The following BTF3L4 variants were observed in gnomAD, a reference collection of about 807,000 sequenced individuals.
BTF3L4 encodes the protein basic transcription factor 3 like 4.
In BTF3L4, 6 loss-of-function variants were observed where a neutral mutation model predicts 16.8. That is an observed-to-expected ratio of 0.36 (90% CI 0.20 to 0.71). BTF3L4 has a LOEUF of 0.71. Among genes scored for constraint, BTF3L4 ranks in the 30% least tolerant of loss-of-function variants. BTF3L4 has a pLI of 0.58. For synonymous variants in BTF3L4, 39 were observed against 59.8 expected (o/e 0.65, Z 1.60); for missense variants, 92 against 186.9 (o/e 0.49, Z 2.96).
At chr1:52,057,635 A>T (rs1319440347) in intron 1 of BTF3L4, among the ~76,000 whole-genome samples, 3 of 152,042 alleles carry the variant, frequency 2.0e-5, no homozygotes, top group Admixed American at 2.0e-4. Flanking sequence ...TTGGAGGTCT[A>T]CTCCAGATTC....
chr1:52,074,539 T>G (rs983075978), intron 3 of BTF3L4, among the ~76,000 whole-genome samples: 5 of 152,118 alleles, frequency 3.3e-5, no homozygotes, highest in Non-Finnish European at 7.4e-5. Flanking sequence ...AATTTTGTAT[T>G]TTTAGTAGAG....
At chr1:52,061,065 T>A (rs1686496081) in intron 2 of BTF3L4, among the ~76,000 whole-genome samples, 1 of 152,190 alleles carries the variant, frequency 6.6e-6, no homozygotes, top group African/African-American at 2.4e-5. Context: ...AGAGAGATGC[T>A]CACAATTATA....
At chr1:52,083,195 C>T in intron 3 of BTF3L4, 145 bp from the exon 4 acceptor site, 1 of 649,782 alleles carries the variant, frequency 1.5e-6, no homozygotes, top group Non-Finnish European at 2.7e-6. Flanking sequence ...TCTTTTTCCA[C>T]GAATGTCCGT....
chr1:52,084,736 G>A (rs1390826350), intron 4 of BTF3L4, among the ~76,000 whole-genome samples: 2 of 150,702 alleles, frequency 1.3e-5, no homozygotes, highest in East Asian at 2.0e-4. Context: ...AGTCTGCAGT[G>A]AGCTATGGAA....
intron 3 of BTF3L4, among the ~76,000 whole-genome samples, chr1:52,067,229 G>A (rs1208959903): frequency 6.6e-6 from 1 of 152,088 alleles, no homozygotes; most frequent in Non-Finnish European, 1.5e-5. Context: ...ATAATAATGT[G>A]GATAGAGATC....
chr1:52,074,161 GT>G (rs140330597), intron 3 of BTF3L4, among the ~76,000 whole-genome samples: 1 of 150,220 alleles, frequency 6.7e-6, no homozygotes, highest in African/African-American at 2.5e-5. Context: ...GCAAGACCTT[GT>G]TTTTTTTTGT....
chr1:52,083,817 C>T (rs971169686), intron 4 of BTF3L4, among the ~76,000 whole-genome samples: 1 of 151,912 alleles, frequency 6.6e-6, no homozygotes, highest in Non-Finnish European at 1.5e-5. Context: ...GTCAGGAGTT[C>T]GAGACCAGCC....
intron 3 of BTF3L4, among the ~76,000 whole-genome samples, chr1:52,076,882 T>A (rs1572029260): frequency 6.6e-6 from 1 of 152,140 alleles, no homozygotes; most frequent in East Asian, 1.9e-4. Flanking sequence ...TATTAAGCTG[T>A]AAGAAGAGGC....
chr1:52,057,944 C>T (rs558040383), intron 1 of BTF3L4, among the ~76,000 whole-genome samples: 1 of 152,308 alleles, frequency 6.6e-6, no homozygotes, highest in Non-Finnish European at 1.5e-5. Context: ...CAACCTCTGT[C>T]TGTTCTCTTG....
At chr1:52,059,010 AT>A (rs1298728834) in intron 1 of BTF3L4, among the ~76,000 whole-genome samples, 1 of 152,206 alleles carries the variant, frequency 6.6e-6, no homozygotes, top group African/African-American at 2.4e-5. Context: ...ATTCATGACT[AT>A]AATTTTAGAA....
chr1:52,056,848 T>C (rs1420676062), intron 1 of BTF3L4, among the ~76,000 whole-genome samples: 2 of 152,204 alleles, frequency 1.3e-5, no homozygotes, highest in African/African-American at 2.4e-5. Flanking sequence ...ATGGCAGTGT[T>C]TGTTTACAAG....
At chr1:52,059,801 A>G (rs778662048) in intron 1 of BTF3L4, 34 bp from the exon 2 acceptor site, 1 of 1,601,268 alleles carries the variant, frequency 6.2e-7, no homozygotes, top group Non-Finnish European at 8.6e-7. Flanking sequence ...TCGGCAAAAG[A>G]GTGACTTTAA....
At chr1:52,078,303 G>A (rs1033309660) in intron 3 of BTF3L4, among the ~76,000 whole-genome samples, 12 of 148,984 alleles carry the variant, frequency 8.1e-5, no homozygotes, top group African/African-American at 2.5e-4. Context: ...ATTTAAGCGC[G>A]CCTCCTGCCT....
chr1:52,062,639 T>G (rs1686546312), intron 2 of BTF3L4, among the ~76,000 whole-genome samples: 1 of 152,190 alleles, frequency 6.6e-6, no homozygotes, highest in Non-Finnish European at 1.5e-5. Flanking sequence ...GGGCAACTAT[T>G]AAAGGATTTT....
At chr1:52,081,578 A>G (rs3015308) in intron 3 of BTF3L4, among the ~76,000 whole-genome samples, 145,345 of 152,292 alleles carry the variant, frequency 0.95, 69,426 homozygotes, top group East Asian at 1. Flanking sequence ...TCTCGAGCCC[A>G]GATTTCACCC....
At chr1:52,060,831 GT>G (rs1686490419) in intron 2 of BTF3L4, among the ~76,000 whole-genome samples, 1 of 152,240 alleles carries the variant, frequency 6.6e-6, no homozygotes, top group African/African-American at 2.4e-5. Context: ...ACACACTCAT[GT>G]AACCACAGTA....
intron 3 of BTF3L4, among the ~76,000 whole-genome samples, chr1:52,079,792 C>T (rs1270214979): frequency 1.3e-5 from 2 of 151,498 alleles, no homozygotes; most frequent in Non-Finnish European, 2.9e-5. Context: ...TTTGTGTTCT[C>T]GATTTGGCCT....
At chr1:52,083,186 C>G (rs1019154161) in intron 3 of BTF3L4, among the ~76,000 whole-genome samples, 154 bp from the exon 4 acceptor site, 2 of 152,164 alleles carry the variant, frequency 1.3e-5, no homozygotes, top group African/African-American at 4.8e-5. Flanking sequence ...TTACTATGAT[C>G]TTTTTCCACG....
At chr1:52,066,136 A>G (rs1342439151) in intron 3 of BTF3L4, among the ~76,000 whole-genome samples, 2 of 152,210 alleles carry the variant, frequency 1.3e-5, no homozygotes, top group Admixed American at 6.5e-5. Context: ...ATACTTAATA[A>G]ATAACAACAA....
Sources: allele counts gnomAD v4.1 joint callset (sites outside exome capture counted in the v4.1 genomes callset), GRCh38; gene constraint gnomAD v4.1.1; transcripts MANE v1.5; gene names NCBI Gene and HGNC (gene_info 2026-07-23, HGNC 2026-07-21).